TRAT1: variants seen among roughly 807,000 people sequenced by gnomAD.
The protein encoded by TRAT1 is T-cell receptor-associated transmembrane adapter 1.
A neutral mutation model predicts 20.0 loss-of-function variants in TRAT1; 20 were observed. The observed-to-expected ratio is 1.00, with a 90% CI of 0.70 to 1.45. The LOEUF (loss-of-function observed/expected upper bound fraction) is 1.45. Among genes scored for constraint, TRAT1 ranks in the 40% most tolerant of loss-of-function variants. The pLI, the probability that TRAT1 is intolerant of heterozygous loss-of-function variation, is 0.00. For synonymous variants in TRAT1, 77 were observed against 74.2 expected, an observed-to-expected ratio of 1.04 and a Z score of -0.20; for missense variants, 237 against 224.1, an observed-to-expected ratio of 1.06 and a Z score of -0.37.
chr3:108,841,557 T>C lies in TRAT1; in HGVS notation c.152+2590T>C, dbSNP rs372264992. 5.6e-4 allele frequency among the ~76,000 whole-genome samples: 86 copies of C among 152,224 alleles called. 2 individuals are homozygous for C. In the South Asian group the frequency reaches 0.017, roughly 31 times the overall value. ...TCAGTTCCAACATGGTTTGTGGCCA[T>C]AGAGAAAGGAAATAAACTTCTATCG... On this transcript the variant is annotated intron_variant, in intron 3 of 5. Transcript: ENST00000295756.
At chr3:108,840,165 G>T (rs368107998) in intron 3 of TRAT1, among the ~76,000 whole-genome samples, 1 of 152,064 alleles carries the variant, frequency 6.6e-6, no homozygotes, top group East Asian at 1.9e-4. Flanking sequence ...GATCTGGGCT[G>T]CAGGCATACC....
chr3:108,826,383 T>C (rs1184455813), intron 1 of TRAT1, among the ~76,000 whole-genome samples: 1 of 152,088 alleles, frequency 6.6e-6, no homozygotes, highest in Non-Finnish European at 1.5e-5. Flanking sequence ...AATAGACACA[T>C]AAGGTCAGTG....
Position 108,854,758 on chromosome 3 carries a change from T to G in TRAT1, c.*881T>G, listed in dbSNP as rs1265067768. On this transcript the variant is annotated 3_prime_UTR_variant, in exon 6 of 6. Transcript: ENST00000295756. ...GCTTAGCACCCCACTGATAACCAAA[T>G]CACAGTTTATTTAAATAATTTTAAT... is the stretch of plus-strand genomic sequence containing the variant. 2 of 152,132 alleles carry G rather than the reference T, an allele frequency of 1.3e-5. No individual in the cohort carries two copies. The allele number at this position is 152,132 out of a possible 1,614,324, so 9.4% of individuals were successfully genotyped here.
At chr3:108,843,861 C>G (rs563574495) in intron 3 of TRAT1, among the ~76,000 whole-genome samples, 5 of 152,236 alleles carry the variant, frequency 3.3e-5, no homozygotes, top group Admixed American at 6.5e-5. Flanking sequence ...AGCCACCTCC[C>G]TCTTTGGTTT....
At position 108,823,809 on chromosome 3, in the gene TRAT1, A is replaced by G. The variant is rs74737524; in HGVS notation, c.7+875A>G. On this transcript the variant is annotated intron_variant, in intron 1 of 5. Coordinates refer to ENST00000295756, the MANE Select transcript of TRAT1 (RefSeq NM_016388.4). The stretch of plus-strand genomic sequence containing the variant: ...CATTTTAAATGAATGCACAAAAATG[A>G]TATCTATTCAGTTATAGTTTAGTCA... 8.9e-3 allele frequency among the ~76,000 whole-genome samples: 1,351 copies of G among 152,212 alleles called. 9 individuals carry two copies. The highest frequency in any genetic ancestry group is 0.02 in the Middle Eastern group (6 of 294).
chr3:108,831,115 T>C (rs938154901), intron 2 of TRAT1, among the ~76,000 whole-genome samples: 1 of 152,312 alleles, frequency 6.6e-6, no homozygotes, highest in East Asian at 1.9e-4. Flanking sequence ...TTCTCTCTGA[T>C]ACATAATAAA....
At chr3:108,847,766 A>G (rs1287325405) in intron 4 of TRAT1, among the ~76,000 whole-genome samples, 25 of 152,198 alleles carry the variant, frequency 1.6e-4, no homozygotes, top group Admixed American at 1.2e-3. Flanking sequence ...AGTTCTGATG[A>G]TAGAAGCTAC....
At chr3:108,823,985 C>T (rs1256999645) in intron 1 of TRAT1, among the ~76,000 whole-genome samples, 1 of 152,074 alleles carries the variant, frequency 6.6e-6, no homozygotes, top group African/African-American at 2.4e-5. Flanking sequence ...GATTCTCCTG[C>T]CTCAACCTCC....
chr3:108,829,108 A>G (rs1048688288), intron 1 of TRAT1, among the ~76,000 whole-genome samples: 2 of 152,324 alleles, frequency 1.3e-5, no homozygotes, highest in South Asian at 2.1e-4. Flanking sequence ...TACAAGTCCA[A>G]TTTGGCCAAA....
chr3:108,844,851 AAAAAAAAAAAAAAAAAAAG>A (rs1945927071), intron 3 of TRAT1, among the ~76,000 whole-genome samples: 1 of 149,446 alleles, frequency 6.7e-6, no homozygotes, highest in South Asian at 2.1e-4. Context: ...CTCAAAAAAA[AAAAAAAAAAAAAAAAAAAG>A]AAATACGTGT....
intron 3 of TRAT1, among the ~76,000 whole-genome samples, chr3:108,843,038 C>T (rs184097444): frequency 4.0e-5 from 6 of 151,258 alleles, no homozygotes; most frequent in African/African-American, 7.3e-5. Context: ...TGCCCTCCTG[C>T]GCCAAGTTCA....
chr3:108,847,838 T>C (rs1945961423), intron 4 of TRAT1, among the ~76,000 whole-genome samples: 1 of 152,164 alleles, frequency 6.6e-6, no homozygotes, highest in Non-Finnish European at 1.5e-5. Context: ...TAAATGCTGT[T>C]GAACTCCAAG....
chr3:108,834,762 A>G (rs1196813453), intron 2 of TRAT1, among the ~76,000 whole-genome samples: 1 of 152,228 alleles, frequency 6.6e-6, no homozygotes, highest in Non-Finnish European at 1.5e-5. Flanking sequence ...ATAGCGTTCA[A>G]AAGAAAATCT....
chr3:108,838,941 G>A lies in TRAT1; in HGVS notation c.126G>A (p.Met42Ile). The part of the protein sequence containing the change: ...HYVEKQRQDK[M>I]YSYSSDHTRV... ...ATTTTGAATATCTTTCAGATAAAATGTACAGCTACTCCAGTGACCACACCA... is the reference window on the plus strand; with the variant it reads ...ATTTTGAATATCTTTCAGATAAAATATACAGCTACTCCAGTGACCACACCA... Residue 42 changes from methionine (M) to isoleucine (I), a missense_variant, in exon 3 of 6, where the codon ATG becomes ATA. Met to Ile is a conservative substitution (Grantham distance 10). Transcript: ENST00000295756. 6.2e-7 allele frequency: 1 copy of A among 1,606,494 alleles called. No homozygotes were observed. Among genetic ancestry groups the A allele is most frequent in the African/African-American group, 1.3e-5 (1 of 74,976 alleles).
At chr3:108,841,096 T>C (rs1031406302) in intron 3 of TRAT1, among the ~76,000 whole-genome samples, 2 of 152,240 alleles carry the variant, frequency 1.3e-5, no homozygotes, top group African/African-American at 4.8e-5. Context: ...CAGCACATTC[T>C]ACAGTTATTC....
rs569907000 is a variant in TRAT1, at chr3:108,847,807, C to T, written c.214+678C>T. The stretch of plus-strand genomic sequence containing the variant: ...TTTCCCTGCAAGTACTCATTCAATA[C>T]ATCAGAGGAGACTTGGGGGTTAAAT... On this transcript the variant is annotated intron_variant, in intron 4 of 5. Transcript: ENST00000295756. Among the ~76,000 whole-genome samples the T allele has an allele frequency of 2.6e-5, 4 of 152,244 alleles. No individual in the cohort carries two copies. The South Asian group carries it at 6.2e-4, about 24-fold the overall frequency.
intron 2 of TRAT1, among the ~76,000 whole-genome samples, chr3:108,832,746 C>T (rs1442063266): frequency 6.6e-6 from 1 of 152,180 alleles, no homozygotes; most frequent in African/African-American, 2.4e-5. Context: ...TAGACATTGA[C>T]ATGCTTACCT....
intron 3 of TRAT1, among the ~76,000 whole-genome samples, chr3:108,843,607 C>A (rs76917107): frequency 0.025 from 3,753 of 152,228 alleles, 145 homozygotes; most frequent in African/African-American, 0.082. Flanking sequence ...CTCTTCATTG[C>A]TCTTTTCTCT....
intron 3 of TRAT1, among the ~76,000 whole-genome samples, chr3:108,845,059 G>A (rs1195365362): frequency 6.6e-6 from 1 of 152,174 alleles, no homozygotes. Context: ...TCTCAGATAT[G>A]AGTTCAATTA....
Sources: allele counts gnomAD v4.1 joint callset (sites outside exome capture counted in the v4.1 genomes callset), GRCh38; gene constraint gnomAD v4.1.1; transcripts MANE v1.5; gene names NCBI Gene and HGNC (gene_info 2026-07-23, HGNC 2026-07-21).